ZFAND3: variants seen among roughly 807,000 people sequenced by gnomAD.
The protein encoded by ZFAND3 is zinc finger AN1-type containing 3.
In ZFAND3, 10 loss-of-function variants were observed where a neutral mutation model predicts 29.6. The ratio of observed to expected loss-of-function variants is 0.34; its 90% CI spans 0.21 to 0.57. The LOEUF (loss-of-function observed/expected upper bound fraction) is 0.57, where lower values mean the gene tolerates loss of function less well. Among genes scored for constraint, ZFAND3 ranks in the 20% least tolerant of loss-of-function variants. The pLI is 0.86. For synonymous variants in ZFAND3, 128 were observed against 112.6 expected, an observed-to-expected ratio of 1.14 and a Z score of -0.87; for missense variants, 230 against 304.5, an observed-to-expected ratio of 0.76 and a Z score of 1.82.
In ZFAND3 at chr6:38,116,614, G is replaced by A. The variant is rs779248162; in HGVS notation, c.404G>A (p.Arg135Gln). Reference sequence around the variant, plus strand: ...GAGGCTTCACCAGTAAAACGGCCACGACTACTTGAGAATACGGAACGGTCC... The same window carrying A: ...GAGGCTTCACCAGTAAAACGGCCACAACTACTTGAGAATACGGAACGGTCC... ...ENEASPVKRP[R>Q]LLENTERSEE... is the part of the protein sequence containing the mutation. The change falls in exon 5 of 6, where the codon CGA becomes CAA. Residue 135 changes from arginine (R) to glutamine (Q), a missense_variant. This residue lies in a region of ZFAND3 where 180 missense variants were observed against 202.5 expected (regional missense o/e 0.89). Transcript: ENST00000287218. The A allele has an allele frequency of 3.1e-6, 5 of 1,613,680 alleles. No individual in the cohort carries two copies. The highest frequency in any genetic ancestry group is 1.1e-5 in the South Asian group (1 of 91,032).
intron 1 of ZFAND3, among the ~76,000 whole-genome samples, chr6:37,919,502 G>A (rs1284980087): frequency 6.6e-6 from 1 of 151,938 alleles, no homozygotes; most frequent in East Asian, 1.9e-4. Flanking sequence ...GTTTTTCAGA[G>A]AATATCACAT....
intron 1 of ZFAND3, among the ~76,000 whole-genome samples, chr6:37,884,210 G>GTGGC (rs1300311022): frequency 6.9e-6 from 1 of 145,212 alleles, no homozygotes; most frequent in South Asian, 2.1e-4. Context: ...ATTACGTCAG[G>GTGGC]TGGCTGGATG....
At chr6:38,030,080 A>G (rs551159295) in intron 2 of ZFAND3, among the ~76,000 whole-genome samples, 1 of 54,190 alleles carries the variant, frequency 1.8e-5, no homozygotes, top group Non-Finnish European at 5.7e-5. Context: ...ATATATATAT[A>G]TATATATATA....
chr6:37,843,404 T>G (rs1764115552), intron 1 of ZFAND3, among the ~76,000 whole-genome samples: 1 of 151,860 alleles, frequency 6.6e-6, no homozygotes, highest in African/African-American at 2.4e-5. Flanking sequence ...GGAGAATGGC[T>G]TGAACCCGGG....
rs1367446592 is a variant in ZFAND3 at position 38,154,382 on chromosome 6, TG to T, written c.*1999del. ...CTTCCTGACTTAGAGCTGGGGGGGG[TG>T]GGGGGTGGGGCTTGTTCCCCTGCAG... On this transcript the variant is annotated 3_prime_UTR_variant, in exon 6 of 6. Coordinates refer to ENST00000287218, the MANE Select transcript of ZFAND3 (RefSeq NM_021943.3). 1.4e-3 allele frequency: 314 copies of T among 221,698 alleles called. 1 individual carries two copies. The highest frequency in any genetic ancestry group is 4.3e-3 in the Middle Eastern group (2 of 464). The allele number at this position is 221,698 out of a possible 1,614,324, so 13.7% of individuals were successfully genotyped here. A position where few individuals can be genotyped will look rare whatever the true frequency, so the allele number is the denominator to read the frequency against.
chr6:37,877,378 T>C (rs1441793069), intron 1 of ZFAND3, among the ~76,000 whole-genome samples: 1 of 152,190 alleles, frequency 6.6e-6, no homozygotes, highest in African/African-American at 2.4e-5. Context: ...TTTTGTTTTT[T>C]AATTTTTCCC....
At chr6:37,850,235 A>G (rs568531943) in intron 1 of ZFAND3, among the ~76,000 whole-genome samples, 1 of 152,348 alleles carries the variant, frequency 6.6e-6, no homozygotes. Context: ...CTTTAGAGCC[A>G]GTCAGGAGAG....
chr6:37,988,363 C>G (rs532794372), intron 2 of ZFAND3, among the ~76,000 whole-genome samples: 1 of 152,326 alleles, frequency 6.6e-6, no homozygotes, highest in South Asian at 2.1e-4. Flanking sequence ...TATGCTTTTA[C>G]TCCTGCCAAA....
At chr6:37,865,975 T>A (rs1764582852) in intron 1 of ZFAND3, among the ~76,000 whole-genome samples, 1 of 152,222 alleles carries the variant, frequency 6.6e-6, no homozygotes, top group Non-Finnish European at 1.5e-5. Context: ...ATATCTCTGG[T>A]GGCAACTCCT....
At chr6:37,852,754 T>C (rs11751962) in intron 1 of ZFAND3, among the ~76,000 whole-genome samples, 32,423 of 150,712 alleles carry the variant, frequency 0.22, 4,374 homozygotes, top group African/African-American at 0.37. Flanking sequence ...CTTGTTCTGT[T>C]GCCCAGGCTG....
intron 1 of ZFAND3, among the ~76,000 whole-genome samples, chr6:37,840,094 TG>T (rs1362680635): frequency 8.6e-5 from 13 of 152,000 alleles, no homozygotes; most frequent in Non-Finnish European, 1.3e-4. Context: ...ACATTTAAGT[TG>T]GTTATCTATT....
chr6:37,839,522 GTT>G (rs71542140), intron 1 of ZFAND3, among the ~76,000 whole-genome samples: 31,977 of 132,986 alleles, frequency 0.24, 4,327 homozygotes, highest in African/African-American at 0.39. Context: ...TTGTTGTTTT[GTT>G]TTTTTTTTTG....
intron 1 of ZFAND3, among the ~76,000 whole-genome samples, chr6:37,925,020 G>A (rs1761456873): frequency 6.6e-6 from 1 of 151,992 alleles, no homozygotes; most frequent in Non-Finnish European, 1.5e-5. Flanking sequence ...GGGGCAGAAT[G>A]ATAAGAGAGC....
At chr6:37,970,917 C>CAAACAAACAAA (rs1554163777) in intron 2 of ZFAND3, among the ~76,000 whole-genome samples, 1 of 128,690 alleles carries the variant, frequency 7.8e-6, no homozygotes, top group South Asian at 2.3e-4. Flanking sequence ...AACAAACAAA[C>CAAACAAACAAA]CAAACAAACA....
intron 2 of ZFAND3, among the ~76,000 whole-genome samples, chr6:37,969,940 G>A (rs531114019): frequency 1.6e-3 from 248 of 152,036 alleles, no homozygotes; most frequent in African/African-American, 4.8e-3. Context: ...GTATCAGGCC[G>A]GGCGCCAGTG....
At position 37,856,732 on chromosome 6, in the gene ZFAND3, G is replaced by A. The variant is rs140273110; in HGVS notation, c.71+36716G>A. ...CTTATTTTTTATATACAATAATTTT[G>A]TGAGGATGTATTTAATAATGCTAAT... On this transcript the variant is annotated intron_variant, in intron 1 of 5. Coordinates refer to ENST00000287218, the MANE Select transcript of ZFAND3 (RefSeq NM_021943.3). Among the ~76,000 whole-genome samples the A allele has an allele frequency of 2.9e-4, 44 of 152,032 alleles. No homozygotes were observed. In the East Asian group the frequency reaches 8.1e-3, roughly 28 times the overall value.
chr6:37,952,528 A>T (rs780282691), intron 2 of ZFAND3, among the ~76,000 whole-genome samples: 15 of 151,636 alleles, frequency 9.9e-5, no homozygotes, highest in Non-Finnish European at 1.9e-4. Context: ...ATTTTTTTTT[A>T]AATTTCTGTG....
rs1003768521 is a variant in ZFAND3, at chr6:37,819,814, C to T, written c.-132C>T. ...CTCCGAGCCCCGGACTCGCGCCCGCCCGCGCGCCCGCTCCTTCCCCCTCCC... is the reference window on the plus strand; with the variant it reads ...CTCCGAGCCCCGGACTCGCGCCCGCTCGCGCGCCCGCTCCTTCCCCCTCCC... On this transcript the variant is annotated 5_prime_UTR_variant, in exon 1 of 6. Coordinates refer to ENST00000287218, the MANE Select transcript of ZFAND3 (RefSeq NM_021943.3). 5.0e-5 allele frequency: 28 copies of T among 560,014 alleles called. No homozygotes were observed. Among genetic ancestry groups the T allele is most frequent in the Non-Finnish European group, 6.6e-5 (28 of 422,658 alleles). The allele number at this position is 560,014 out of a possible 1,614,324, so 34.7% of individuals were successfully genotyped here. A position where few individuals can be genotyped will look rare whatever the true frequency, so the allele number is the denominator to read the frequency against.
chr6:37,916,947 G>A (rs954884865), intron 1 of ZFAND3, among the ~76,000 whole-genome samples: 2 of 152,142 alleles, frequency 1.3e-5, no homozygotes, highest in Admixed American at 1.3e-4. Context: ...TGGTGATCAG[G>A]TAGACTGTCA....
Sources: allele counts gnomAD v4.1 joint callset (sites outside exome capture counted in the v4.1 genomes callset), GRCh38; gene constraint gnomAD v4.1.1; regional missense constraint gnomAD v4.1.1; transcripts MANE v1.5; gene names NCBI Gene and HGNC (gene_info 2026-07-23, HGNC 2026-07-21).